Variants in CDNF observed in about 807,000 individuals in gnomAD.
The protein encoded by CDNF is ARMET-like protein 1.
Under a neutral mutation model 14.8 loss-of-function variants are expected in CDNF, and 9 were observed. The ratio of observed to expected loss-of-function variants is 0.61; its 90% confidence interval spans 0.37 to 1.06. The LOEUF is 1.06. Among genes scored for constraint, CDNF ranks in the 50% least tolerant of loss-of-function variants. CDNF has a pLI of 0.01. For synonymous variants in CDNF, 86 were observed against 87.2 expected, an observed-to-expected ratio of 0.99 and a Z score of 0.07; for missense variants, 228 against 228.4, an observed-to-expected ratio of 1.00 and a Z score of 0.01.
intron 3 of CDNF, among the ~76,000 whole-genome samples, chr10:14,822,530 C>A (rs1433394394): frequency 6.6e-6 from 1 of 151,638 alleles, no homozygotes; most frequent in Non-Finnish European, 1.5e-5. Context: ...AAGCAGAGAT[C>A]ATGCCACTGC....
intron 2 of CDNF, among the ~76,000 whole-genome samples, chr10:14,826,662 C>A (rs897457397): frequency 6.6e-6 from 1 of 152,180 alleles, no homozygotes; most frequent in Non-Finnish European, 1.5e-5. Context: ...ATGAGAAGAG[C>A]TGACACTAAG....
intron 3 of CDNF, 55 bp downstream of exon 3, chr10:14,825,424 T>C (rs547534574): frequency 5.8e-6 from 9 of 1,546,462 alleles, no homozygotes; most frequent in African/African-American, 4.1e-5. Flanking sequence ...GCCCCAACTT[T>C]AGAGGTTTGG....
At chr10:14,836,660 T>C (rs1833890363) in intron 1 of CDNF, among the ~76,000 whole-genome samples, 1 of 152,190 alleles carries the variant, frequency 6.6e-6, no homozygotes, top group Admixed American at 6.5e-5. Context: ...GACTGGGCGC[T>C]GTGGCTCACG....
At chr10:14,824,477 A>G (rs1396901587) in intron 3 of CDNF, among the ~76,000 whole-genome samples, 1 of 151,990 alleles carries the variant, frequency 6.6e-6, no homozygotes, top group Non-Finnish European at 1.5e-5. Flanking sequence ...GTGGTGGTGC[A>G]TGCCTGTAAT....
intron 1 of CDNF, 144 bp downstream of exon 1, chr10:14,837,688 C>A (rs1588801684): frequency 1.7e-6 from 1 of 596,318 alleles, no homozygotes; most frequent in East Asian, 2.8e-5. Context: ...TCGAGCTGGG[C>A]TTGGGCGATC....
intron 2 of CDNF, among the ~76,000 whole-genome samples, chr10:14,827,881 G>C (rs1051993455): frequency 1.2e-4 from 18 of 151,954 alleles, no homozygotes; most frequent in African/African-American, 4.4e-4. Flanking sequence ...AACAGAGCAA[G>C]ACTCTGTCTC....
chr10:14,835,437 A>G (rs1833878500), intron 1 of CDNF, among the ~76,000 whole-genome samples: 1 of 152,186 alleles, frequency 6.6e-6, no homozygotes, highest in Non-Finnish European at 1.5e-5. Flanking sequence ...TCTGAAAGGG[A>G]AAGATGTCAA....
intron 1 of CDNF, among the ~76,000 whole-genome samples, chr10:14,833,434 T>G (rs903753810): frequency 6.6e-6 from 1 of 152,206 alleles, no homozygotes; most frequent in Admixed American, 6.5e-5. Context: ...TTGCCCACAC[T>G]GCAGATTTTG....
In CDNF at chr10:14,828,280, G is replaced by A. The variant is rs530711679; in HGVS notation, c.116-8C>T. The A allele has an allele frequency of 4.3e-6, 7 of 1,612,920 alleles. No individual in the cohort carries two copies. In the East Asian group the frequency reaches 8.9e-5, roughly 21 times the overall value. ...TCAAGAATTCTTTACATACTGGAAG[G>A]AACAAATAAATATGTCTGCATGCAC... On this transcript the variant is annotated splice_polypyrimidine_tract_variant and splice_region_variant and intron_variant, in intron 1 of 3. Coordinates refer to ENST00000465530, the MANE Select transcript of CDNF (RefSeq NM_001029954.3).
Position 14,831,567 on chromosome 10 carries a change from CAT to C in CDNF, c.116-3297_116-3296del, listed in dbSNP as rs538217592. On this transcript the variant is annotated intron_variant, in intron 1 of 3. Transcript: ENST00000465530. ...ACATATATACACACACACACACACA[CAT>C]ATATATATATATATTTTTTTTCAAG... 1.9e-3 allele frequency among the ~76,000 whole-genome samples: 278 copies of C among 145,718 alleles called. 1 individual carries two copies. Among genetic ancestry groups the C allele is most frequent in the South Asian group, 7.1e-3 (33 of 4,674 alleles).
chr10:14,822,475 C>T (rs577613373), intron 3 of CDNF, among the ~76,000 whole-genome samples: 1 of 152,118 alleles, frequency 6.6e-6, no homozygotes, highest in East Asian at 1.9e-4. Flanking sequence ...TCTCAGGAGG[C>T]TGAGGCAGGA....
At position 14,826,176 on chromosome 10, in the gene CDNF, CAGCAGAAGCAGAAGCAGCAGA is replaced by C. The variant is rs1564313602; in HGVS notation, c.244-577_244-557del. On this transcript the variant is annotated intron_variant, in intron 2 of 3. Transcript: ENST00000465530. ...GAAGAAGAAGAAGAAGCAGAAGCAG[CAGCAGAAGCAGAAGCAGCAGA>C]AGAAGAAGAAGAAGAAGAAGAAGCA... Among the ~76,000 whole-genome samples the C allele has an allele frequency of 4.1e-3, 544 of 131,350 alleles. 18 individuals are homozygous for C. Among genetic ancestry groups the C allele is most frequent in the African/African-American group, 0.016 (512 of 32,350 alleles). 86.2% of individuals were successfully genotyped at this position (131,350 alleles called of 152,430 possible). A position where few individuals can be genotyped will look rare whatever the true frequency, so the allele number is the denominator to read the frequency against.
At chr10:14,834,613 C>T (rs935023763) in intron 1 of CDNF, among the ~76,000 whole-genome samples, 4 of 152,168 alleles carry the variant, frequency 2.6e-5, no homozygotes, top group Non-Finnish European at 4.4e-5. Flanking sequence ...AGCATATATG[C>T]ATACATTTCT....
rs756893480 is a variant in CDNF at position 14,837,889 on chromosome 10, G to A, written c.58C>T (p.His20Tyr). The change falls in exon 1 of 4, where the codon CAC becomes TAC. Residue 20 changes from histidine to tyrosine, a missense_variant. By Grantham distance (83) the His-to-Tyr change is moderately conservative (BLOSUM62 2). Coordinates refer to ENST00000465530, the MANE Select transcript of CDNF (RefSeq NM_001029954.3). ...VAFCAGLLVS[H>Y]PVLTQGQEAG... ...TCCTGGCCCTGCGTCAGCACCGGGTGAGAGACCAAAAGCCCGGCGCAAAAG... is the reference window on the plus strand; with the variant it reads ...TCCTGGCCCTGCGTCAGCACCGGGTAAGAGACCAAAAGCCCGGCGCAAAAG... 3.6e-5 allele frequency: 58 copies of A among 1,607,294 alleles called. No individual in the cohort carries two copies. Among genetic ancestry groups the A allele is most frequent in the Non-Finnish European group, 4.2e-5 (50 of 1,178,488 alleles).
intron 1 of CDNF, among the ~76,000 whole-genome samples, chr10:14,834,764 G>A (rs568726460): frequency 1.9e-4 from 29 of 152,220 alleles, no homozygotes; most frequent in Non-Finnish European, 2.9e-4. Flanking sequence ...ACAAAGGAGC[G>A]GCACCTGGAG....
intron 2 of CDNF, among the ~76,000 whole-genome samples, chr10:14,827,318 G>A (rs59797143): frequency 0.063 from 9,655 of 152,192 alleles, 455 homozygotes; most frequent in South Asian, 0.21. Flanking sequence ...ACATGCAGAT[G>A]TAACTGACAA....
Position 14,819,775 on chromosome 10 carries a change from G to T in CDNF, c.*205C>A. ...GAAACTTATGAGAAAGGAACTTTTA[G>T]CTTTTGGTACACTGCAAATGTAAGT... is the stretch of plus-strand genomic sequence containing the variant. On this transcript the variant is annotated 3_prime_UTR_variant, in exon 4 of 4. Coordinates refer to ENST00000465530, the MANE Select transcript of CDNF (RefSeq NM_001029954.3). 2.2e-6 allele frequency: 1 copy of T among 462,874 alleles called. No individual in the cohort carries two copies. 28.7% of individuals were successfully genotyped at this position (462,874 alleles called of 1,614,324 possible).
At chr10:14,830,359 T>C (rs1833834923) in intron 1 of CDNF, among the ~76,000 whole-genome samples, 1 of 152,246 alleles carries the variant, frequency 6.6e-6, no homozygotes, top group Admixed American at 6.5e-5. Context: ...ATAACTTCTA[T>C]GCCTGATTAT....
At chr10:14,837,799 C>G (rs1310242804) in intron 1 of CDNF, 33 bp downstream of exon 1, 30 of 1,365,296 alleles carry the variant, frequency 2.2e-5, no homozygotes, top group Non-Finnish European at 2.7e-5. Context: ...AGCGCGGGGC[C>G]GCCGCCATGC....
Sources: gnomAD v4.1 joint callset for allele counts (sites outside exome capture counted in the v4.1 genomes callset) on GRCh38, gnomAD v4.1.1 for gene constraint, MANE v1.5 for transcripts, NCBI Gene and HGNC (gene_info 2026-07-23, HGNC 2026-07-21) for gene names.